ANK2: variants seen among roughly 807,000 people sequenced by gnomAD.
The protein encoded by ANK2 is ankyrin 2, also known as ankyrin-2.
In ANK2, 83 loss-of-function variants were observed where a neutral mutation model predicts 360.5. That is an observed-to-expected ratio of 0.23 (90% CI 0.19 to 0.28). ANK2 has a LOEUF of 0.28. Ranked by LOEUF, ANK2 falls within the 10% of genes least tolerant of loss-of-function variation. The pLI, the probability that ANK2 is intolerant of heterozygous loss-of-function variation, is 1.00. For synonymous variants in ANK2, 1,740 were observed against 1,759.5 expected (o/e 0.99, Z 0.28); for missense variants, 4,201 against 4,795.7 (o/e 0.88, Z 3.66).
At chr4:113,331,220 A>T (rs1237207441) in intron 27 of ANK2, among the ~76,000 whole-genome samples, 1 of 152,220 alleles carries the variant, frequency 6.6e-6, no homozygotes, top group Non-Finnish European at 1.5e-5. Flanking sequence ...AATCAATTGT[A>T]TTTAAGTCTT....
chr4:113,119,754 T>TA (rs1320277628), intron 1 of ANK2, among the ~76,000 whole-genome samples: 1 of 152,092 alleles, frequency 6.6e-6, no homozygotes, highest in Non-Finnish European at 1.5e-5. Flanking sequence ...AAAAGCCAAT[T>TA]ATGGGGCTTG....
intron 1 of ANK2, among the ~76,000 whole-genome samples, chr4:113,078,608 A>T (rs1258556275): frequency 6.6e-6 from 1 of 152,108 alleles, no homozygotes; most frequent in African/African-American, 2.4e-5. Flanking sequence ...AGGTACTGTT[A>T]TTATTGCCAT....
In ANK2 at chr4:113,205,191, A is replaced by C. The variant is rs866169882; in HGVS notation, c.384+6082A>C. On this transcript the variant is annotated intron_variant, in intron 4 of 45. Transcript: ENST00000357077. ...GCGGAGCTTGCAGTGAGCCGACATC[A>C]CGCCACTGCACTCCAGTCTGGGCGA... is the stretch of plus-strand genomic sequence containing the variant. Among the ~76,000 whole-genome samples the C allele has an allele frequency of 1.0e-4, 13 of 128,852 alleles. No individual in the cohort carries two copies. In the South Asian group the frequency reaches 1.6e-3, roughly 16 times the overall value. The allele number at this position is 128,852 out of a possible 152,430, so 84.5% of individuals were successfully genotyped here. A position where few individuals can be genotyped will look rare whatever the true frequency, so the allele number is the denominator to read the frequency against.
the ANK2 span, among the ~76,000 whole-genome samples, chr4:112,777,770 A>T: frequency 6.6e-6 from 1 of 150,788 alleles, no homozygotes; most frequent in South Asian, 2.1e-4. Flanking sequence ...GGCATGTGTC[A>T]CCACACCCGG....
chr4:112,951,819 CTTT>C (rs796400484), intron 2 of ANK2, among the ~76,000 whole-genome samples: 10 of 152,304 alleles, frequency 6.6e-5, no homozygotes, highest in African/African-American at 2.4e-4. Context: ...AGAAAATACT[CTTT>C]ATTTAAATTA....
chr4:113,297,415 C>A (rs1365433671), intron 22 of ANK2, among the ~76,000 whole-genome samples: 1 of 152,104 alleles, frequency 6.6e-6, no homozygotes, highest in East Asian at 1.9e-4. Flanking sequence ...AGTGACTCAC[C>A]TTTGTTAGGA....
the ANK2 span, among the ~76,000 whole-genome samples, chr4:112,758,937 A>G: frequency 2.0e-5 from 3 of 152,286 alleles, no homozygotes; most frequent in African/African-American, 4.8e-5. Context: ...CGAATCACAT[A>G]GCAACATAGT....
At chr4:113,305,063 G>A (rs1328338610) in intron 23 of ANK2, among the ~76,000 whole-genome samples, 1 of 151,892 alleles carries the variant, frequency 6.6e-6, no homozygotes, top group African/African-American at 2.4e-5. Context: ...AGCCTCGGCC[G>A]GGCGCGGTGG....
chr4:112,916,473 T>G (rs145773815), intron 2 of ANK2, among the ~76,000 whole-genome samples: 6 of 152,222 alleles, frequency 3.9e-5, no homozygotes, highest in African/African-American at 1.2e-4. Context: ...TCTGTAAAAA[T>G]TTGAATAATC....
At chr4:113,178,192 A>G (rs1274741105) in intron 2 of ANK2, among the ~76,000 whole-genome samples, 2 of 152,114 alleles carry the variant, frequency 1.3e-5, no homozygotes, top group African/African-American at 4.8e-5. Context: ...CAGGAGTTCC[A>G]GGCTGCAGTT....
At chr4:113,316,021 C>T (rs967197864) in intron 24 of ANK2, among the ~76,000 whole-genome samples, 2 of 151,968 alleles carry the variant, frequency 1.3e-5, no homozygotes, top group African/African-American at 4.8e-5. Context: ...ATTCCACCAG[C>T]TGAGACAAGC....
At chr4:113,251,287 A>AT (rs2153607969) in intron 10 of ANK2, among the ~76,000 whole-genome samples, 1 of 152,100 alleles carries the variant, frequency 6.6e-6, no homozygotes, top group Non-Finnish European at 1.5e-5. Flanking sequence ...CCTGGATGGA[A>AT]TTTTTTTAAT....
At chr4:113,292,802 A>G (rs1323604814) in intron 21 of ANK2, among the ~76,000 whole-genome samples, 1 of 152,102 alleles carries the variant, frequency 6.6e-6, no homozygotes, top group African/African-American at 2.4e-5. Flanking sequence ...TGGCTCTCAG[A>G]TGTGAGCACA....
the ANK2 span, among the ~76,000 whole-genome samples, chr4:112,767,135 T>C: frequency 6.6e-6 from 1 of 152,214 alleles, no homozygotes; most frequent in Non-Finnish European, 1.5e-5. Flanking sequence ...AACTGAATCC[T>C]TTAATTAAAT....
At chr4:113,361,437 CAATAT>C (rs2096218519) in intron 39 of ANK2, among the ~76,000 whole-genome samples, 1 of 151,328 alleles carries the variant, frequency 6.6e-6, no homozygotes, top group African/African-American at 2.4e-5. Flanking sequence ...ATTCTAAAAT[CAATAT>C]ACTTTATTTA....
At chr4:113,203,763 G>A (rs1182103711) in intron 4 of ANK2, among the ~76,000 whole-genome samples, 1 of 152,022 alleles carries the variant, frequency 6.6e-6, no homozygotes, top group Non-Finnish European at 1.5e-5. Context: ...TGAGACTCAG[G>A]TGGCTCATTT....
intron 1 of ANK2, among the ~76,000 whole-genome samples, chr4:113,159,231 T>A (rs972026164): frequency 3.5e-5 from 4 of 112,850 alleles, no homozygotes; most frequent in East Asian, 7.5e-4. Context: ...ACACACACAC[T>A]AGTTTATATT....
At chr4:113,112,939 A>G (rs1238892380) in intron 1 of ANK2, among the ~76,000 whole-genome samples, 1 of 152,180 alleles carries the variant, frequency 6.6e-6, no homozygotes, top group Non-Finnish European at 1.5e-5. Context: ...AGGATCTATT[A>G]TATTATGAGC....
intron 1 of ANK2, among the ~76,000 whole-genome samples, chr4:113,083,681 C>T (rs1477271793): frequency 1.3e-5 from 2 of 152,180 alleles, no homozygotes; most frequent in Non-Finnish European, 2.9e-5. Flanking sequence ...AAAACCACAA[C>T]ATAGATGCAT....
Sources: gnomAD v4.1 joint callset for allele counts (sites outside exome capture counted in the v4.1 genomes callset) on GRCh38, gnomAD v4.1.1 for gene constraint, MANE v1.5 for transcripts, NCBI Gene and HGNC (gene_info 2026-07-23, HGNC 2026-07-21) for gene names.